The following ALG8 variants were observed in gnomAD, a reference collection of about 807,000 sequenced individuals.
The protein encoded by ALG8 is ALG8 alpha-1,3-glucosyltransferase.
Under a neutral mutation model 70.2 loss-of-function variants are expected in ALG8, and 48 were observed. That is an observed-to-expected ratio of 0.68 (90% CI 0.54 to 0.87). The LOEUF (loss-of-function observed/expected upper bound fraction) is 0.87. ALG8 is among the 40% of genes least tolerant of loss of function. ALG8 has a pLI of 0.00. For missense variants in ALG8, 572 were observed against 608.7 expected, an observed-to-expected ratio of 0.94 and a Z score of 0.64; for synonymous variants, 234 against 229.0, an observed-to-expected ratio of 1.02 and a Z score of -0.20.
chr11:78,130,376 T>C (rs1408725362), intron 1 of ALG8, among the ~76,000 whole-genome samples: 1 of 46,306 alleles, frequency 2.2e-5, no homozygotes, highest in East Asian at 6.1e-4. Context: ...AAGGTGAGAA[T>C]ATCAATACCT....
intron 8 of ALG8, 192 bp downstream of exon 8, chr11:78,112,458 G>GA (rs1214608015): frequency 1.5e-6 from 1 of 684,998 alleles, no homozygotes; most frequent in Non-Finnish European, 2.4e-6. Flanking sequence ...CTTTTATAAG[G>GA]AAAACAGTCT....
intron 12 of ALG8, among the ~76,000 whole-genome samples, chr11:78,102,714 A>G (rs1859845984): frequency 6.6e-6 from 1 of 152,204 alleles, no homozygotes; most frequent in Non-Finnish European, 1.5e-5. Context: ...GCACTTTGGG[A>G]GGCCAAGGAC....
In ALG8 at chr11:78,121,293, T is replaced by C. The variant is rs542904458; in HGVS notation, c.369-119A>G. ...TGACAAACTACATGCCATTCTTTTT[T>C]TTTTTTTTTTCCAATTTTTCTTTTT... On this transcript the variant is annotated intron_variant, in intron 3 of 12. Transcript: ENST00000299626. The C allele has an allele frequency of 4.1e-5, 32 of 778,568 alleles. No individual in the cohort carries two copies. In the South Asian group the frequency reaches 4.2e-4, roughly 10 times the overall value. The allele number at this position is 778,568 out of a possible 1,614,324, so 48.2% of individuals were successfully genotyped here.
chr11:78,106,068 G>A (rs920650920), intron 10 of ALG8, among the ~76,000 whole-genome samples: 8 of 152,122 alleles, frequency 5.3e-5, no homozygotes, highest in Non-Finnish European at 1.0e-4. Context: ...AACAGTTCTG[G>A]AAAATCTGAA....
At chr11:78,106,059 A>G (rs1486786756) in intron 10 of ALG8, among the ~76,000 whole-genome samples, 1 of 152,192 alleles carries the variant, frequency 6.6e-6, no homozygotes, top group Non-Finnish European at 1.5e-5. Flanking sequence ...CAAAACAAAA[A>G]CAGTTCTGGA....
chr11:78,125,681 G>A (rs1472984145), intron 2 of ALG8, among the ~76,000 whole-genome samples: 1 of 151,950 alleles, frequency 6.6e-6, no homozygotes, highest in Non-Finnish European at 1.5e-5. Flanking sequence ...GGAGGCTAAG[G>A]CAGGAGAATC....
intron 1 of ALG8, among the ~76,000 whole-genome samples, chr11:78,130,348 C>CAGAAAAAAAA (rs1861254131): frequency 2.0e-5 from 1 of 49,180 alleles, no homozygotes; most frequent in Non-Finnish European, 3.2e-5. Context: ...GACCCGGTCT[C>CAGAAAAAAAA]AAAAAAAAAA....
intron 1 of ALG8, among the ~76,000 whole-genome samples, chr11:78,133,941 G>T (rs1440827518): frequency 6.6e-6 from 1 of 151,734 alleles, no homozygotes; most frequent in African/African-American, 2.4e-5. Context: ...ACTATAAAAC[G>T]TGCAATACTA....
At chr11:78,112,409 TC>T in intron 8 of ALG8, 1 of 464,084 alleles carries the variant, frequency 2.2e-6, no homozygotes, top group East Asian at 4.6e-5. Flanking sequence ...TTTTATTTTT[TC>T]CCCAGGAAAG....
At chr11:78,102,375 G>C (rs1012001243) in intron 12 of ALG8, among the ~76,000 whole-genome samples, 4 of 152,132 alleles carry the variant, frequency 2.6e-5, no homozygotes, top group Non-Finnish European at 2.9e-5. Flanking sequence ...CATTCATGTA[G>C]CATGTATTGG....
At chr11:78,124,363 G>C (rs1205286630) in intron 2 of ALG8, 149 bp from the exon 3 acceptor site, 1 of 764,984 alleles carries the variant, frequency 1.3e-6, no homozygotes, top group East Asian at 2.7e-5. Flanking sequence ...AGCACTTTGG[G>C]AGGACAAGGC....
At chr11:78,112,384 T>C (rs1218829033) in intron 8 of ALG8, 6 of 405,070 alleles carry the variant, frequency 1.5e-5, no homozygotes, top group Non-Finnish European at 2.8e-5. Flanking sequence ...ATTACCTTTA[T>C]AGAGTGTCTA....
rs185597865 is a variant in ALG8, at chr11:78,134,932, C to T, written c.95+4562G>A. ...TAATGTTGATATCTTGACCTCCTCC[C>T]ATGAATCATGAATGTTCTTAATAGC... On this transcript the variant is annotated intron_variant, in intron 1 of 12. Coordinates refer to ENST00000299626, the MANE Select transcript of ALG8 (RefSeq NM_024079.5). Among the ~76,000 whole-genome samples, 241 of 152,324 alleles carry T rather than the reference C, an allele frequency of 1.6e-3. 1 individual carries two copies. Among genetic ancestry groups the T allele is most frequent in the African/African-American group, 5.5e-3 (227 of 41,576 alleles).
At chr11:78,135,931 G>T (rs1196861941) in intron 1 of ALG8, among the ~76,000 whole-genome samples, 1 of 152,014 alleles carries the variant, frequency 6.6e-6, no homozygotes, top group Non-Finnish European at 1.5e-5. Context: ...CACTTTGGGA[G>T]GCCAAGACAG....
Position 78,103,182 on chromosome 11 carries a change from G to A in ALG8, c.1349+798C>T, listed in dbSNP as rs150697260. On this transcript the variant is annotated intron_variant, in intron 12 of 12. Coordinates refer to ENST00000299626, the MANE Select transcript of ALG8 (RefSeq NM_024079.5). The stretch of plus-strand genomic sequence containing the variant: ...CTCTAATAAAAATACAAAATTAGCC[G>A]GGCACAGCAGCTCACGCCTGTACTT... Among the ~76,000 whole-genome samples, 295 of 151,938 alleles carry A rather than the reference G, an allele frequency of 1.9e-3. 2 individuals are homozygous for A. Among genetic ancestry groups the A allele is most frequent in the African/African-American group, 6.8e-3 (280 of 41,440 alleles).
rs780786874 is a variant in ALG8, at chr11:78,112,737, G to C, written c.811C>G (p.Pro271Ala). 1.2e-6 allele frequency: 2 copies of C among 1,613,992 alleles called. No individual in the cohort carries two copies. Among genetic ancestry groups the C allele is most frequent in the East Asian group, 2.2e-5 (1 of 44,880 alleles). The change falls in exon 8 of 13, where the codon CCT becomes GCT. Residue 271 changes from proline (P) to alanine (A), a missense_variant. Physicochemically the swap from Pro to Ala is conservative, Grantham distance 27. Coordinates refer to ENST00000299626, the MANE Select transcript of ALG8 (RefSeq NM_024079.5). ...QLPQVFSRLFPFKRGLCHAYW... is the reference protein window; with the variant it reads ...QLPQVFSRLFAFKRGLCHAYW... ...GCATGACAGAGGCCCCTCTTGAAAG[G>C]AAAGAGTCGGGAAAAGACTTGAGGC...
intron 5 of ALG8, among the ~76,000 whole-genome samples, chr11:78,116,426 T>C (rs890185834): frequency 6.6e-6 from 1 of 151,492 alleles, no homozygotes; most frequent in South Asian, 2.1e-4. Flanking sequence ...TAAGAAGTTA[T>C]AGTAAGAATT....
chr11:78,136,449 G>C (rs1000389042), intron 1 of ALG8, among the ~76,000 whole-genome samples: 3 of 152,096 alleles, frequency 2.0e-5, no homozygotes, highest in Non-Finnish European at 4.4e-5. Context: ...AGGGAGGAAG[G>C]CTGCTCAAGC....
chr11:78,106,604 A>T (rs1270683961), intron 10 of ALG8, among the ~76,000 whole-genome samples: 5 of 152,210 alleles, frequency 3.3e-5, no homozygotes, highest in Non-Finnish European at 5.9e-5. Flanking sequence ...GCAGAAACAG[A>T]AATAGTACAT....
Sources: allele counts gnomAD v4.1 joint callset (sites outside exome capture counted in the v4.1 genomes callset), GRCh38; gene constraint gnomAD v4.1.1; transcripts MANE v1.5; gene names NCBI Gene and HGNC (gene_info 2026-07-23, HGNC 2026-07-21).